Variants in FILIP1L observed in about 807,000 individuals in gnomAD.
FILIP1L encodes filamin A interacting protein 1 like, also known as filamin A-interacting protein 1-like.
Under a neutral mutation model 96.6 loss-of-function variants are expected in FILIP1L, and 55 were observed. That is an observed-to-expected ratio of 0.57 (90% confidence interval 0.46 to 0.71). The LOEUF is 0.71. Among genes scored for constraint, FILIP1L ranks in the 30% least tolerant of loss-of-function variants. The pLI, the probability that FILIP1L is intolerant of heterozygous loss-of-function variation, is 0.00. For missense variants in FILIP1L, 1,304 were observed against 1,321.2 expected, an observed-to-expected ratio of 0.99 and a Z score of 0.20; for synonymous variants, 467 against 473.9, an observed-to-expected ratio of 0.99 and a Z score of 0.19.
intron 4 of FILIP1L, among the ~76,000 whole-genome samples, chr3:99,851,596 A>G (rs890470884): frequency 7.2e-5 from 11 of 152,244 alleles, no homozygotes; most frequent in Non-Finnish European, 1.2e-4. Flanking sequence ...GTCCTGGCAC[A>G]TGGTAAGCAT....
intron 1 of FILIP1L, among the ~76,000 whole-genome samples, chr3:99,953,016 C>T (rs564388065): frequency 6.6e-6 from 1 of 152,264 alleles, no homozygotes; most frequent in Admixed American, 6.5e-5. Flanking sequence ...TGGATTTTCT[C>T]ATGACTGTTC....
chr3:99,895,479 T>G (rs929231236), intron 4 of FILIP1L, among the ~76,000 whole-genome samples: 5 of 152,100 alleles, frequency 3.3e-5, no homozygotes, highest in African/African-American at 1.2e-4. Flanking sequence ...GGCAAGAGCT[T>G]ATTTTTTGGC....
At chr3:99,955,291 T>C (rs1708290499) in intron 1 of FILIP1L, among the ~76,000 whole-genome samples, 1 of 152,196 alleles carries the variant, frequency 6.6e-6, no homozygotes, top group African/African-American at 2.4e-5. Flanking sequence ...AAGACTTTGA[T>C]TTTCAGAGTT....
At chr3:99,832,091 G>A (rs1942688566) in intron 5 of FILIP1L, among the ~76,000 whole-genome samples, 1 of 152,078 alleles carries the variant, frequency 6.6e-6, no homozygotes, top group Non-Finnish European at 1.5e-5. Context: ...AAGGTTACTG[G>A]GCTCCTACTT....
In FILIP1L at chr3:99,850,649, A is replaced by T. The variant is rs187751369; in HGVS notation, c.1027T>A (p.Ser343Thr). 6.2e-7 allele frequency: 1 copy of T among 1,613,814 alleles called. No individual in the cohort carries two copies. The highest frequency in any genetic ancestry group is 8.5e-7 in the Non-Finnish European group (1 of 1,179,990). The change falls in exon 5 of 6, where the codon TCT (serine) becomes ACT (threonine). Residue 343 changes from serine to threonine, a missense_variant. Transcript: ENST00000477258. ...AGCTCCTCTTCTGCTTTTCGTAAAGACCTGTTTGTCTCTTCTAACTCATCA... is the reference window on the plus strand; with the variant it reads ...AGCTCCTCTTCTGCTTTTCGTAAAGTCCTGTTTGTCTCTTCTAACTCATCA... The part of the protein sequence containing the change: ...QIDELEETNR[S>T]LRKAEEELQD...
intron 1 of FILIP1L, among the ~76,000 whole-genome samples, chr3:100,065,715 A>T (rs192390190): frequency 6.6e-6 from 1 of 152,328 alleles, no homozygotes; most frequent in East Asian, 1.9e-4. Context: ...TGTCATCACC[A>T]CCTGTATTCT....
intron 4 of FILIP1L, among the ~76,000 whole-genome samples, chr3:99,889,341 T>G (rs1190708531): frequency 1.3e-5 from 2 of 152,138 alleles, no homozygotes; most frequent in Non-Finnish European, 2.9e-5. Context: ...TAACCCTTTA[T>G]AGATGTTTTT....
chr3:100,007,305 A>G (rs532072701), intron 1 of FILIP1L, among the ~76,000 whole-genome samples: 53 of 152,216 alleles, frequency 3.5e-4, no homozygotes, highest in African/African-American at 1.2e-3. Flanking sequence ...ATTTCCTGAA[A>G]TTTTTATTTG....
chr3:99,830,640 G>C lies in FILIP1L; in HGVS notation c.3382-35C>G, dbSNP rs751632690. On this transcript the variant is annotated intron_variant, in intron 5 of 5. Coordinates refer to ENST00000477258, the MANE Select transcript of FILIP1L (RefSeq NM_001387850.1). ...AACAAGAGAACAAAAGGTAATTAAT[G>C]GTACAGTTGGTGGAGAAGTAGAAAT... 6.4e-5 allele frequency: 29 copies of C among 454,372 alleles called. 1 individual carries two copies. Among genetic ancestry groups the C allele is most frequent in the South Asian group, 4.5e-4 (29 of 64,358 alleles). The allele number at this position is 454,372 out of a possible 1,614,324, so 28.1% of individuals were successfully genotyped here. A position where few individuals can be genotyped will look rare whatever the true frequency, so the allele number is the denominator to read the frequency against.
intron 1 of FILIP1L, among the ~76,000 whole-genome samples, chr3:100,001,976 TC>T (rs565113007): frequency 1.3e-5 from 2 of 151,920 alleles, no homozygotes; most frequent in African/African-American, 2.4e-5. Context: ...CTTGTCCATA[TC>T]CCCCCCAATT....
chr3:100,109,031 C>T (rs1438829781), intron 1 of FILIP1L, among the ~76,000 whole-genome samples: 9 of 150,648 alleles, frequency 6.0e-5, no homozygotes, highest in Non-Finnish European at 1.2e-4. Flanking sequence ...CGGTATTATA[C>T]AAGAACAGAG....
intron 4 of FILIP1L, 92 bp downstream of exon 4, chr3:99,924,136 CTG>C (rs1387527511): frequency 9.8e-7 from 1 of 1,024,388 alleles, no homozygotes; most frequent in Non-Finnish European, 1.5e-6. Context: ...AGAACAGAGA[CTG>C]TGTCATATTT....
intron 1 of FILIP1L, among the ~76,000 whole-genome samples, chr3:99,999,626 G>A (rs1024982437): frequency 2.0e-5 from 3 of 152,242 alleles, no homozygotes; most frequent in Admixed American, 1.3e-4. Flanking sequence ...CGGGATATAG[G>A]CTTTTCAGTC....
At chr3:100,047,872 G>C (rs545005481) in intron 1 of FILIP1L, among the ~76,000 whole-genome samples, 2 of 152,122 alleles carry the variant, frequency 1.3e-5, no homozygotes, top group Non-Finnish European at 2.9e-5. Context: ...AAATGACAGG[G>C]TGGGCGAAAA....
At chr3:99,974,664 G>A (rs1287784933) in intron 1 of FILIP1L, among the ~76,000 whole-genome samples, 2 of 152,102 alleles carry the variant, frequency 1.3e-5, no homozygotes, top group South Asian at 2.1e-4. Flanking sequence ...CCAAGGTCAT[G>A]CCATTGCACT....
At chr3:99,906,131 T>C (rs1706608474) in intron 4 of FILIP1L, among the ~76,000 whole-genome samples, 1 of 152,048 alleles carries the variant, frequency 6.6e-6, no homozygotes, top group Non-Finnish European at 1.5e-5. Flanking sequence ...GAGGCAGAGG[T>C]TGCAGTGAGC....
chr3:99,959,370 G>A (rs1216575868), intron 1 of FILIP1L, among the ~76,000 whole-genome samples: 4 of 152,152 alleles, frequency 2.6e-5, no homozygotes, highest in African/African-American at 7.2e-5. Context: ...GGCTGGTCTC[G>A]AACTCCTGTC....
chr3:99,941,351 C>G (rs1257076900), intron 1 of FILIP1L, among the ~76,000 whole-genome samples: 1 of 152,140 alleles, frequency 6.6e-6, no homozygotes, highest in Non-Finnish European at 1.5e-5. Flanking sequence ...GTTCAATGCA[C>G]AAAGTGTTTT....
Position 99,947,727 on chromosome 3 carries a change from T to A in FILIP1L, c.-10-16697A>T, listed in dbSNP as rs138435159. The stretch of plus-strand genomic sequence containing the variant: ...AAATATAAAATTGTTTTGAATACTT[T>A]TAATAAGGTAAAAAGAAAAATAGAA... On this transcript the variant is annotated intron_variant, in intron 1 of 5. Coordinates refer to ENST00000477258, the MANE Select transcript of FILIP1L (RefSeq NM_001387850.1). Among the ~76,000 whole-genome samples the A allele has an allele frequency of 3.8e-3, 577 of 152,328 alleles. 3 individuals are homozygous for A. Among genetic ancestry groups the A allele is most frequent in the African/African-American group, 0.013 (549 of 41,566 alleles).
Sources: allele counts gnomAD v4.1 joint callset (sites outside exome capture counted in the v4.1 genomes callset), GRCh38; gene constraint gnomAD v4.1.1; transcripts MANE v1.5; gene names NCBI Gene and HGNC (gene_info 2026-07-23, HGNC 2026-07-21).